The following WARS1 variants were observed in gnomAD, a reference collection of about 807,000 sequenced individuals.
WARS1 encodes the protein tryptophan--tRNA ligase, cytoplasmic.
WARS1 carries 17 observed loss-of-function variants against 47.8 expected under a neutral mutation model. That is an observed-to-expected ratio of 0.36 (90% confidence interval 0.24 to 0.53). The LOEUF (loss-of-function observed/expected upper bound fraction) is 0.53, where lower values mean the gene tolerates loss of function less well. WARS1 is among the 20% of genes least tolerant of loss of function. The probability of loss-of-function intolerance (pLI) is 0.91; values close to 1 mark genes in which losing one functional copy is unlikely to be tolerated. For missense variants in WARS1, 434 were observed against 608.0 expected, an observed-to-expected ratio of 0.71 and a Z score of 3.01; for synonymous variants, 208 against 228.1, an observed-to-expected ratio of 0.91 and a Z score of 0.79.
chr14:100,342,675 C>T (rs1455216742), intron 8 of WARS1, 104 bp from the exon 9 acceptor site: 2 of 1,118,526 alleles, frequency 1.8e-6, no homozygotes, highest in African/African-American at 1.6e-5. Flanking sequence ...CTCATGCTTC[C>T]AACCAAAGAA....
chr14:100,366,030 T>G (rs1057411213), intron 2 of WARS1: 1 of 455,856 alleles, frequency 2.2e-6, no homozygotes, highest in African/African-American at 2.0e-5. Flanking sequence ...TTATTGAGAA[T>G]CCCTCTCCCC....
chr14:100,345,883 C>T lies in WARS1; in HGVS notation c.826+863G>A, dbSNP rs1029077325. 4.6e-5 allele frequency among the ~76,000 whole-genome samples: 7 copies of T among 152,336 alleles called. No individual in the cohort carries two copies. In the South Asian group the frequency reaches 6.2e-4, roughly 14 times the overall value. ...ACCCTTGGGTGAGCGCAGAGGTTTC[C>T]GGGCCCTGGGCACGCGGCTGGCCCA... On this transcript the variant is annotated intron_variant, in intron 7 of 10. Coordinates refer to ENST00000392882, the MANE Select transcript of WARS1 (RefSeq NM_004184.4).
In WARS1 at chr14:100,373,130, C is replaced by G. The variant is rs1896444535; in HGVS notation, c.-74+2153G>C. On this transcript the variant is annotated intron_variant, in intron 1 of 10. Transcript: ENST00000392882. The surrounding 1 kb of genome is among the most constrained non-coding windows in gnomAD (Gnocchi z 4.4). ...GCCCTGGGTTTATTCTTCCATGTAC[C>G]TCTAGTACCTGGCACACAGCTTATC... Among the ~76,000 whole-genome samples, 1 of 152,192 alleles carries G rather than the reference C, an allele frequency of 6.6e-6. No homozygotes were observed. Among genetic ancestry groups the G allele is most frequent in the Non-Finnish European group, 1.5e-5 (1 of 68,034 alleles).
At chr14:100,366,172 TTCGGGGAAGGA>T (rs1895980162) in intron 2 of WARS1, 1 of 450,576 alleles carries the variant, frequency 2.2e-6, no homozygotes, top group South Asian at 1.6e-5. Flanking sequence ...AATAGGGAGC[TTCGGGGAAGGA>T]TCCCACAGCC....
At chr14:100,356,282 A>G (rs1310454510) in intron 4 of WARS1, among the ~76,000 whole-genome samples, 1 of 152,130 alleles carries the variant, frequency 6.6e-6, no homozygotes, top group Non-Finnish European at 1.5e-5. Flanking sequence ...TGCAGTTAAT[A>G]AATAAGTCAC....
intron 9 of WARS1, among the ~76,000 whole-genome samples, chr14:100,338,731 G>A (rs1445779237): frequency 6.6e-6 from 1 of 151,844 alleles, no homozygotes; most frequent in African/African-American, 2.4e-5. Flanking sequence ...ACTGTGCCCA[G>A]TCTTAACTTT....
chr14:100,346,983 A>G (rs1449673835), intron 6 of WARS1, 137 bp from the exon 7 acceptor site: 32 of 724,042 alleles, frequency 4.4e-5, no homozygotes, highest in Non-Finnish European at 7.1e-5. Flanking sequence ...ACACGTAAGC[A>G]CTGGGAAGGT....
intron 7 of WARS1, among the ~76,000 whole-genome samples, chr14:100,345,136 C>A (rs895953039): frequency 6.7e-6 from 1 of 148,702 alleles, no homozygotes; most frequent in African/African-American, 2.5e-5. Flanking sequence ...AAGTGAGGAG[C>A]CCCTCTGCCC....
At chr14:100,372,050 C>G (rs1319381977) in intron 1 of WARS1, among the ~76,000 whole-genome samples, 2 of 152,204 alleles carry the variant, frequency 1.3e-5, no homozygotes, top group Admixed American at 1.3e-4. Context: ...AGCTCCCCTG[C>G]TGATCACCTT....
Position 100,360,603 on chromosome 14 carries a change from C to T in WARS1, c.373G>A (p.Gly125Ser), listed in dbSNP as rs373258156. 35 of 1,613,588 alleles carry T rather than the reference C, an allele frequency of 2.2e-5. No homozygotes were observed. Among genetic ancestry groups the T allele is most frequent in the Admixed American group, 1.0e-4 (6 of 59,978 alleles). Residue 125 changes from glycine (G) to serine (S), a missense_variant, in exon 4 of 11, where the codon GGC becomes AGC. Transcript: ENST00000392882. Reference sequence around the variant, plus strand: ...CGCAGGAAGTGGTGTGGTCTTTGGCCGGTGGCTCTCTCTATTCGGTTTATT... The same window carrying T: ...CGCAGGAAGTGGTGTGGTCTTTGGCTGGTGGCTCTCTCTATTCGGTTTATT... ...ELINRIERAT[G>S]QRPHHFLRRG...
At chr14:100,367,908 A>T (rs1025366140) in intron 2 of WARS1, among the ~76,000 whole-genome samples, 2 of 151,968 alleles carry the variant, frequency 1.3e-5, no homozygotes, top group Admixed American at 6.6e-5. Flanking sequence ...CCTTTGCAAT[A>T]TTTTTTTCAG....
intron 2 of WARS1, chr14:100,366,860 G>A: frequency 2.5e-6 from 4 of 1,604,884 alleles, no homozygotes; most frequent in Non-Finnish European, 3.4e-6. Flanking sequence ...TGCTGCATTT[G>A]TGGTAGCTGT....
Position 100,339,666 on chromosome 14 carries a change from GA to G in WARS1, c.1114-2465del, listed in dbSNP as rs571114512. ...GGAAAATACCAATAAACAGGAGGAA[GA>G]AAAAAACCACCTAGTAGTGGTGTCT... On this transcript the variant is annotated intron_variant, in intron 9 of 10. Coordinates refer to ENST00000392882, the MANE Select transcript of WARS1 (RefSeq NM_004184.4). 2.3e-4 allele frequency among the ~76,000 whole-genome samples: 35 copies of G among 150,242 alleles called. No homozygotes were observed. The South Asian group carries it at 7.4e-3, about 32-fold the overall frequency.
intron 5 of WARS1, 165 bp downstream of exon 5, chr14:100,354,282 T>C: frequency 2.0e-6 from 2 of 989,200 alleles, no homozygotes; most frequent in Non-Finnish European, 2.9e-6. Context: ...TCCTCTAAAG[T>C]GAGCCCAGGA....
intron 6 of WARS1, among the ~76,000 whole-genome samples, chr14:100,347,901 TG>T (rs1392735349): frequency 2.6e-5 from 4 of 152,172 alleles, no homozygotes; most frequent in Non-Finnish European, 4.4e-5. Flanking sequence ...ATTGCATCTT[TG>T]TATTACTATA....
intron 1 of WARS1, among the ~76,000 whole-genome samples, chr14:100,370,924 C>T (rs1896309843): frequency 6.6e-6 from 1 of 152,024 alleles, no homozygotes; most frequent in Non-Finnish European, 1.5e-5. Flanking sequence ...GCCCGGGTGA[C>T]AGAGTAAGAC....
chr14:100,366,677 G>C, intron 2 of WARS1: 1 of 781,074 alleles, frequency 1.3e-6, no homozygotes, highest in Admixed American at 1.7e-5. Flanking sequence ...GGAACTTCTA[G>C]ATTACAGACA....
chr14:100,337,141 C>A lies in WARS1; in HGVS notation c.1175G>T (p.Gly392Val). 6.2e-7 allele frequency: 1 copy of A among 1,614,196 alleles called. No individual in the cohort carries two copies. The highest frequency in any genetic ancestry group is 8.5e-7 in the Non-Finnish European group (1 of 1,180,030). Residue 392 changes from glycine (G) to valine (V), a missense_variant, in exon 10 of 11, where the codon GGC becomes GTC. Physicochemically the swap from Gly to Val is moderately radical, Grantham distance 109 (BLOSUM62 -3). This residue lies in a region of WARS1 where 347 missense variants were observed against 523.8 expected (regional missense o/e 0.66). Transcript: ENST00000392882. ...DTIEEHRQFG[G>V]NCDVDVSFMY... ...GAAAGACACGTCCACATCACAGTTG[C>A]CCCCAAACTGCCTGTGCTCCTCGAT...
intron 4 of WARS1, among the ~76,000 whole-genome samples, chr14:100,358,059 C>T (rs2140025381): frequency 6.6e-6 from 1 of 152,302 alleles, no homozygotes; most frequent in African/African-American, 2.4e-5. Flanking sequence ...AATGGAAAAG[C>T]TGAAATTCAT....
Sources: gnomAD v4.1 joint callset for allele counts (sites outside exome capture counted in the v4.1 genomes callset) on GRCh38, gnomAD v4.1.1 for gene constraint, gnomAD v4.1.1 regional missense constraint, Gnocchi (gnomAD v3.1) non-coding constraint, MANE v1.5 for transcripts, NCBI Gene and HGNC (gene_info 2026-07-23, HGNC 2026-07-21) for gene names.